The following PIK3R4 variants were observed in gnomAD, a reference collection of about 807,000 sequenced individuals.
PIK3R4 encodes phosphoinositide 3-kinase regulatory subunit 4.
A neutral mutation model predicts 136.5 loss-of-function variants in PIK3R4; 46 were observed. The ratio of observed to expected loss-of-function variants is 0.34; its 90% CI spans 0.27 to 0.43. PIK3R4 has a LOEUF of 0.43. PIK3R4 is among the 20% of genes least tolerant of loss of function. PIK3R4 has a pLI of 1.00. For missense variants in PIK3R4, 1,331 were observed against 1,649.5 expected (o/e 0.81, Z 3.35); for synonymous variants, 557 against 566.7 (o/e 0.98, Z 0.24).
intron 7 of PIK3R4, among the ~76,000 whole-genome samples, chr3:130,721,837 T>C (rs902259858): frequency 4.6e-5 from 7 of 152,128 alleles, no homozygotes; most frequent in Non-Finnish European, 1.0e-4. Flanking sequence ...AAGTACAGCA[T>C]GGTGATTATA....
intron 18 of PIK3R4, 77 bp from the exon 19 acceptor site, chr3:130,680,798 CAA>C (rs2066453127): frequency 1.1e-6 from 1 of 935,972 alleles, no homozygotes; most frequent in African/African-American, 1.7e-5. Context: ...TTATCTTCAT[CAA>C]TGCATTTTTT....
At chr3:130,734,810 C>T (rs1419813709) in intron 3 of PIK3R4, among the ~76,000 whole-genome samples, 1 of 152,186 alleles carries the variant, frequency 6.6e-6, no homozygotes, top group African/African-American at 2.4e-5. Context: ...CTGGGACACT[C>T]ATAGGGTATC....
In PIK3R4 at chr3:130,705,655, T is replaced by G. The variant is rs762267072; in HGVS notation, c.2838A>C (p.Gln946His). Reference sequence around the variant, plus strand: ...ACTGCTCCCGCTTTTGCTGGATGAGTTGCTGAAGTTCAGTTTTACAAGTTG... The same window carrying G: ...ACTGCTCCCGCTTTTGCTGGATGAGGTGCTGAAGTTCAGTTTTACAAGTTG... The part of the protein sequence containing the change: ...RITTCKTELQ[Q>H]LIQQKREQCN... Residue 946 changes from glutamine to histidine, a missense_variant, in exon 12 of 20, where the codon CAA becomes CAC. By Grantham distance (24) the Gln-to-His change is conservative. Around this residue, in one of 2 missense-constraint regions of PIK3R4, gnomAD observed 1,180 missense variants for 1,407.0 expected, o/e 0.84. Transcript: ENST00000356763. The G allele has an allele frequency of 6.2e-7, 1 of 1,613,406 alleles. No homozygotes were observed. The highest frequency in any genetic ancestry group is 8.5e-7 in the Non-Finnish European group (1 of 1,179,344).
intron 8 of PIK3R4, among the ~76,000 whole-genome samples, chr3:130,717,146 A>AT (rs1470831354): frequency 6.6e-6 from 1 of 152,036 alleles, no homozygotes; most frequent in Non-Finnish European, 1.5e-5. Flanking sequence ...AACCAAGAAG[A>AT]TTATCTTCTT....
rs1207382584 is a variant in PIK3R4 at position 130,698,431 on chromosome 3, C to T, written c.3098+5292G>A. 4.6e-5 allele frequency among the ~76,000 whole-genome samples: 7 copies of T among 152,116 alleles called. No individual in the cohort carries two copies. The East Asian group carries it at 1.2e-3, about 25-fold the overall frequency. ...TGTACCTCTGACTGGATAATACCAA[C>T]CATCTTCAAATTCTCTGATTTTTTG... On this transcript the variant is annotated intron_variant, in intron 13 of 19. Coordinates refer to ENST00000356763, the MANE Select transcript of PIK3R4 (RefSeq NM_014602.3).
intron 2 of PIK3R4, among the ~76,000 whole-genome samples, chr3:130,741,533 C>A (rs2066823878): frequency 6.6e-6 from 1 of 152,168 alleles, no homozygotes; most frequent in Non-Finnish European, 1.5e-5. Context: ...CCCTGTGGAA[C>A]AACTTGTTTA....
intron 4 of PIK3R4, 25 bp downstream of exon 4, chr3:130,733,523 T>C (rs777881005): frequency 6.8e-7 from 1 of 1,461,904 alleles, no homozygotes; most frequent in Non-Finnish European, 9.5e-7. Context: ...TCTAAGTGGC[T>C]AATATTTGGA....
intron 9 of PIK3R4, among the ~76,000 whole-genome samples, chr3:130,710,931 T>TA (rs1320676263): frequency 7.0e-6 from 1 of 142,262 alleles, no homozygotes; most frequent in African/African-American, 2.6e-5. Flanking sequence ...GGAAAATGTG[T>TA]AAGAATCAAG....
chr3:130,708,379 C>A lies in PIK3R4; in HGVS notation c.2445G>T (p.Gln815His). ...VDQSHLHDSS[Q>H]KGVIDLAALG... ...AAGCTGCCAAGTCAATTACACCTTT[C>A]TGACTACTATCATGAAGATGGCTCT... Residue 815 changes from glutamine to histidine, a missense_variant, in exon 10 of 20, where the codon CAG becomes CAT. Coordinates refer to ENST00000356763, the MANE Select transcript of PIK3R4 (RefSeq NM_014602.3). 1.9e-6 allele frequency: 3 copies of A among 1,613,808 alleles called. No individual in the cohort carries two copies. The highest frequency in any genetic ancestry group is 2.5e-6 in the Non-Finnish European group (3 of 1,179,712).
chr3:130,698,550 CTCT>C lies in PIK3R4; in HGVS notation c.3098+5170_3098+5172del, dbSNP rs976855368. 3.3e-5 allele frequency among the ~76,000 whole-genome samples: 5 copies of C among 152,124 alleles called. 1 individual carries two copies. The highest frequency in any genetic ancestry group is 3.3e-4 in the Admixed American group (5 of 15,278). On this transcript the variant is annotated intron_variant, in intron 13 of 19. Transcript: ENST00000356763. Reference sequence around the variant, plus strand: ...AGAATTTCTATTTTATGATTTCTATCTCTTTATTGATATTGTCTATTTGGTTAG... The same window carrying C: ...AGAATTTCTATTTTATGATTTCTATCTTATTGATATTGTCTATTTGGTTAG...
intron 8 of PIK3R4, 133 bp downstream of exon 8, chr3:130,718,256 G>A (rs1384618133): frequency 1.4e-6 from 1 of 721,686 alleles, no homozygotes; most frequent in Admixed American, 2.5e-5. Context: ...TAATTAGCTT[G>A]AAAGGAATAT....
chr3:130,684,407 T>A, intron 15 of PIK3R4, 26 bp from the exon 16 acceptor site: 1 of 1,602,168 alleles, frequency 6.2e-7, no homozygotes. Flanking sequence ...AAAAAAAGAT[T>A]ACCATCTAAT....
At chr3:130,709,915 T>C (rs1019287817) in intron 9 of PIK3R4, among the ~76,000 whole-genome samples, 1 of 152,068 alleles carries the variant, frequency 6.6e-6, no homozygotes, top group African/African-American at 2.4e-5. Context: ...CTTTTCAGGG[T>C]GACGAAAATG....
intron 2 of PIK3R4, among the ~76,000 whole-genome samples, chr3:130,742,159 A>G (rs991400442): frequency 6.6e-6 from 1 of 152,234 alleles, no homozygotes; most frequent in African/African-American, 2.4e-5. Flanking sequence ...GTAGCACTCA[A>G]AACCCAAACA....
chr3:130,679,215 T>A lies in PIK3R4; in HGVS notation c.*100A>T, dbSNP rs1363891613. 1.5e-6 allele frequency: 1 copy of A among 680,038 alleles called. No homozygotes were observed. Among genetic ancestry groups the A allele is most frequent in the Non-Finnish European group, 2.2e-6 (1 of 446,920 alleles). The allele number at this position is 680,038 out of a possible 1,614,324, so 42.1% of individuals were successfully genotyped here. Reference sequence around the variant, plus strand: ...ATGAAACAGTAATATGGAGACATAATTTTGAAAATTAAGCAAATGAATCTG... The same window carrying A: ...ATGAAACAGTAATATGGAGACATAAATTTGAAAATTAAGCAAATGAATCTG... On this transcript the variant is annotated 3_prime_UTR_variant, in exon 20 of 20. Coordinates refer to ENST00000356763, the MANE Select transcript of PIK3R4 (RefSeq NM_014602.3).
At position 130,744,412 on chromosome 3, in the gene PIK3R4, A is replaced by G. The variant is rs944271940; in HGVS notation, c.733+74T>C. 20 of 1,480,494 alleles carry G rather than the reference A, an allele frequency of 1.4e-5. No individual in the cohort carries two copies. In the East Asian group the frequency reaches 2.0e-4, roughly 15 times the overall value. 91.7% of individuals were successfully genotyped at this position (1,480,494 alleles called of 1,614,324 possible). A position where few individuals can be genotyped will look rare whatever the true frequency, so the allele number is the denominator to read the frequency against. ...TAACTTTTCAATATCTGGTGACTAA[A>G]AAAAGCCACATTTCTGTTTAACAGT... On this transcript the variant is annotated intron_variant, in intron 2 of 19. Coordinates refer to ENST00000356763, the MANE Select transcript of PIK3R4 (RefSeq NM_014602.3).
chr3:130,734,573 G>A (rs1230312394), intron 3 of PIK3R4, among the ~76,000 whole-genome samples: 5 of 152,200 alleles, frequency 3.3e-5, no homozygotes, highest in Admixed American at 3.3e-4. Flanking sequence ...GTTGAGTTAT[G>A]GTTCAGAACC....
At chr3:130,689,531 G>GCAAAA (rs1385142061) in intron 14 of PIK3R4, among the ~76,000 whole-genome samples, 6 of 152,108 alleles carry the variant, frequency 3.9e-5, no homozygotes, top group Admixed American at 2.0e-4. Flanking sequence ...AATGCAAAAA[G>GCAAAA]CAAAACAAAA....
At chr3:130,736,944 T>A (rs1380569685) in intron 2 of PIK3R4, among the ~76,000 whole-genome samples, 2 of 152,236 alleles carry the variant, frequency 1.3e-5, no homozygotes, top group African/African-American at 4.8e-5. Context: ...TGCACTTATA[T>A]AATCTTCAAA....
Sources: allele counts gnomAD v4.1 joint callset (sites outside exome capture counted in the v4.1 genomes callset), GRCh38; gene constraint gnomAD v4.1.1; regional missense constraint gnomAD v4.1.1; transcripts MANE v1.5; gene names NCBI Gene and HGNC (gene_info 2026-07-23, HGNC 2026-07-21).